Variants in DPP10 observed in about 807,000 individuals in gnomAD.
DPP10 encodes the protein dipeptidyl peptidase like 10, also known as inactive dipeptidyl peptidase 10.
In DPP10, 33 loss-of-function variants were observed where a neutral mutation model predicts 120.9. That is an observed-to-expected ratio of 0.27 (90% CI 0.21 to 0.37). The LOEUF is 0.37. DPP10 is among the 10% of genes least tolerant of loss of function. The pLI, the probability that DPP10 is intolerant of heterozygous loss-of-function variation, is 1.00. For synonymous variants in DPP10, 337 were observed against 326.1 expected (o/e 1.03, Z -0.36); for missense variants, 816 against 942.8 (o/e 0.87, Z 1.76).
At chr2:114,593,859 G>A (rs938502901) in intron 1 of DPP10, among the ~76,000 whole-genome samples, 2 of 152,090 alleles carry the variant, frequency 1.3e-5, no homozygotes, top group African/African-American at 4.8e-5. Flanking sequence ...CTTGCAACAA[G>A]AATCAGCCTA....
At chr2:114,849,380 C>T (rs1688776291) in intron 1 of DPP10, among the ~76,000 whole-genome samples, 1 of 152,216 alleles carries the variant, frequency 6.6e-6, no homozygotes, top group South Asian at 2.1e-4. Flanking sequence ...AACAAAGTCT[C>T]ACTGTGTCAC....
In DPP10 at chr2:115,675,666, C is replaced by T. The variant is rs1168734237; in HGVS notation, c.442-14021C>T. Among the ~76,000 whole-genome samples the T allele has an allele frequency of 2.0e-5, 3 of 152,160 alleles. No homozygotes were observed. In the South Asian group the frequency reaches 6.2e-4, roughly 31 times the overall value. On this transcript the variant is annotated intron_variant, in intron 5 of 25. Coordinates refer to ENST00000410059, the MANE Select transcript of DPP10 (RefSeq NM_020868.6). ...TGACAACAGATACCTGCAATTCTAG[C>T]TATAGTAGAGCCCCTCAGGCCTCAT...
chr2:115,795,748 G>A (rs576543830), intron 19 of DPP10, among the ~76,000 whole-genome samples: 40 of 152,094 alleles, frequency 2.6e-4, no homozygotes, highest in African/African-American at 9.4e-4. Flanking sequence ...CATCATTGCT[G>A]GTTTGTTATA....
intron 3 of DPP10, among the ~76,000 whole-genome samples, chr2:115,476,965 C>T (rs1055323936): frequency 2.6e-5 from 4 of 152,034 alleles, no homozygotes; most frequent in Non-Finnish European, 4.4e-5. Flanking sequence ...AAAATTAATA[C>T]CCTTTCGTGA....
intron 1 of DPP10, among the ~76,000 whole-genome samples, chr2:114,485,436 G>A (rs1159999279): frequency 1.3e-5 from 2 of 150,680 alleles, no homozygotes; most frequent in African/African-American, 2.4e-5. Flanking sequence ...CAGGGAGCCT[G>A]AAATCTCCTA....
chr2:115,753,632 T>C (rs1679034461), intron 11 of DPP10, among the ~76,000 whole-genome samples: 1 of 152,202 alleles, frequency 6.6e-6, no homozygotes, highest in Non-Finnish European at 1.5e-5. Flanking sequence ...CTTGAGAATA[T>C]AAGAAGTTTC....
intron 1 of DPP10, among the ~76,000 whole-genome samples, chr2:114,753,584 A>G (rs553967655): frequency 3.3e-5 from 5 of 152,224 alleles, no homozygotes; most frequent in Admixed American, 2.0e-4. Flanking sequence ...ACTTGCTCTT[A>G]GAAAACCTGC....
intron 1 of DPP10, among the ~76,000 whole-genome samples, chr2:115,180,176 C>T (rs1036866874): frequency 6.6e-6 from 1 of 152,000 alleles, no homozygotes; most frequent in African/African-American, 2.4e-5. Flanking sequence ...TCTTTGATGT[C>T]CTGCTGGGAA....
At chr2:114,509,897 T>C (rs1476551729) in intron 1 of DPP10, among the ~76,000 whole-genome samples, 1 of 152,224 alleles carries the variant, frequency 6.6e-6, no homozygotes, top group Non-Finnish European at 1.5e-5. Flanking sequence ...TGCCTGTTGG[T>C]TTGTTTTTAC....
In DPP10 at chr2:114,502,233, G is replaced by T. The variant is rs151140230; in HGVS notation, c.60+59395G>T. On this transcript the variant is annotated intron_variant, in intron 1 of 25. Coordinates refer to ENST00000410059, the MANE Select transcript of DPP10 (RefSeq NM_020868.6). ...CTCCCAAAGTGCTGGGATAACAGGC[G>T]TGAGCCACTGCACCCAGCCAAAAGA... Among the ~76,000 whole-genome samples, 773 of 152,196 alleles carry T rather than the reference G, an allele frequency of 5.1e-3. 8 individuals carry two copies. Among genetic ancestry groups the T allele is most frequent in the African/African-American group, 0.018 (729 of 41,524 alleles).
rs547306628 is a variant in DPP10, at chr2:114,510,529, G to A, written c.60+67691G>A. On this transcript the variant is annotated intron_variant, in intron 1 of 25. Transcript: ENST00000410059. ...TGAGGCAGGAGAATTGCTTGAACCC[G>A]GGAGGCAGAGGTTGCAGTGAGCAAG... Among the ~76,000 whole-genome samples, 415 of 152,238 alleles carry A rather than the reference G, an allele frequency of 2.7e-3. 1 individual carries two copies. The highest frequency in any genetic ancestry group is 9.7e-3 in the African/African-American group (405 of 41,548).
chr2:115,560,649 C>G (rs1323144198), intron 5 of DPP10, among the ~76,000 whole-genome samples: 1 of 150,940 alleles, frequency 6.6e-6, no homozygotes. Context: ...GGGTCTCCTT[C>G]TCTTGCCCAG....
chr2:114,744,734 C>T (rs1678405933), intron 1 of DPP10, among the ~76,000 whole-genome samples: 1 of 152,034 alleles, frequency 6.6e-6, no homozygotes, highest in African/African-American at 2.4e-5. Context: ...GAGATGAGAA[C>T]CTGTAACAGT....
intron 1 of DPP10, among the ~76,000 whole-genome samples, chr2:114,948,826 T>G (rs551289285): frequency 3.1e-4 from 47 of 152,240 alleles, no homozygotes; most frequent in African/African-American, 1.1e-3. Flanking sequence ...CCGAGGAGGC[T>G]TCAGGAAACT....
At chr2:115,695,943 G>A (rs2091563576) in intron 7 of DPP10, among the ~76,000 whole-genome samples, 1 of 152,050 alleles carries the variant, frequency 6.6e-6, no homozygotes, top group Non-Finnish European at 1.5e-5. Context: ...AAGTTCTAGA[G>A]CAAAAGCTTA....
At chr2:115,143,017 T>A (rs1432138483) in intron 1 of DPP10, among the ~76,000 whole-genome samples, 1 of 152,160 alleles carries the variant, frequency 6.6e-6, no homozygotes. Flanking sequence ...TGAAATTTCT[T>A]TGGTAAACTC....
chr2:114,709,251 G>A (rs934679850), intron 1 of DPP10, among the ~76,000 whole-genome samples: 12 of 152,092 alleles, frequency 7.9e-5, no homozygotes, highest in African/African-American at 2.9e-4. Context: ...CAGCTACAGT[G>A]CTACATCTCT....
intron 1 of DPP10, among the ~76,000 whole-genome samples, chr2:114,643,990 A>C (rs1234269015): frequency 6.9e-6 from 1 of 144,402 alleles, no homozygotes; most frequent in African/African-American, 2.6e-5. Flanking sequence ...GCTGGAGTGC[A>C]GTGGCATGAT....
intron 1 of DPP10, among the ~76,000 whole-genome samples, chr2:115,263,670 C>A (rs1355913195): frequency 6.6e-6 from 1 of 152,122 alleles, no homozygotes; most frequent in Non-Finnish European, 1.5e-5. Context: ...GCATTATCCT[C>A]CATAAACATT....
Sources: allele counts gnomAD v4.1 joint callset (sites outside exome capture counted in the v4.1 genomes callset), GRCh38; gene constraint gnomAD v4.1.1; transcripts MANE v1.5; gene names NCBI Gene and HGNC (gene_info 2026-07-23, HGNC 2026-07-21).